PCDHA8: variants seen among roughly 807,000 people sequenced by gnomAD.
PCDHA8 encodes protocadherin alpha-8.
A neutral mutation model predicts 61.8 loss-of-function variants in PCDHA8; 53 were observed. That is an observed-to-expected ratio of 0.86 (90% CI 0.69 to 1.08). PCDHA8 has a LOEUF of 1.08. PCDHA8 is among the 50% of genes least tolerant of loss of function. The probability of loss-of-function intolerance (pLI) is 0.00; values close to 1 mark genes in which losing one functional copy is unlikely to be tolerated. For synonymous variants in PCDHA8, 618 were observed against 556.6 expected, an observed-to-expected ratio of 1.11 and a Z score of -1.55; for missense variants, 1,293 against 1,245.0, an observed-to-expected ratio of 1.04 and a Z score of -0.58.
rs532609088 is a variant in PCDHA8, at chr5:140,890,699, T to A, written c.2394+46984T>A. 2.6e-5 allele frequency among the ~76,000 whole-genome samples: 4 copies of A among 152,312 alleles called. No homozygotes were observed. In the East Asian group the frequency reaches 7.7e-4, roughly 29 times the overall value. On this transcript the variant is annotated intron_variant, in intron 1 of 3. Transcript: ENST00000531613. ...CTCCTTCTGGGAAATGCAGGGACCT[T>A]ACATTTTTAAAATCTTTTTAATCCC... is the stretch of plus-strand genomic sequence containing the variant.
chr5:140,923,963 A>G (rs1172303229), intron 1 of PCDHA8, among the ~76,000 whole-genome samples: 1 of 152,188 alleles, frequency 6.6e-6, no homozygotes, highest in African/African-American at 2.4e-5. Context: ...CCTAATCTAT[A>G]CCCACACATA....
At chr5:140,968,097 G>A in intron 1 of PCDHA8, 1 of 1,614,112 alleles carries the variant, frequency 6.2e-7, no homozygotes, top group Non-Finnish European at 8.5e-7. Flanking sequence ...GCCACAGATG[G>A]GGGAATACCG....
chr5:140,983,076 T>A (rs1390525890), intron 3 of PCDHA8, among the ~76,000 whole-genome samples: 1 of 152,168 alleles, frequency 6.6e-6, no homozygotes, highest in Non-Finnish European at 1.5e-5. Context: ...TTGTTTTGAG[T>A]TCAAGTCAAA....
At chr5:140,894,068 A>G (rs2064306594) in intron 1 of PCDHA8, among the ~76,000 whole-genome samples, 1 of 152,160 alleles carries the variant, frequency 6.6e-6, no homozygotes, top group Non-Finnish European at 1.5e-5. Context: ...TTTTAAATAC[A>G]TTTATTTTAT....
Position 140,843,002 on chromosome 5 carries a change from A to G in PCDHA8, c.1681A>G (p.Asn561Asp). 2 of 1,595,004 alleles carry G rather than the reference A, an allele frequency of 1.3e-6. No individual in the cohort carries two copies. The highest frequency in any genetic ancestry group is 1.7e-6 in the Non-Finnish European group (2 of 1,165,434). The change falls in exon 1 of 4, where the codon AAC becomes GAC. Residue 561 changes from asparagine to aspartate, a missense_variant. Asn to Asp is a conservative substitution (Grantham distance 23, BLOSUM62 1). Coordinates refer to ENST00000531613, the MANE Select transcript of PCDHA8 (RefSeq NM_018911.3). ...GGTGTTCGTGCTGGACGAGAATGAC[A>G]ACGCGCCGGCACTGCTGGAGCCTCG... ...LQVFVLDENDNAPALLEPRVG... is the reference protein window; with the variant it reads ...LQVFVLDENDDAPALLEPRVG...
rs1039422866 is a variant in PCDHA8 at position 140,928,669 on chromosome 5, A to G, written c.2395-50280A>G. 6 of 1,614,042 alleles carry G rather than the reference A, an allele frequency of 3.7e-6. No homozygotes were observed. The African/African-American group carries it at 6.7e-5, about 18-fold the overall frequency. On this transcript the variant is annotated intron_variant, in intron 1 of 3. Transcript: ENST00000531613. ...AGCAGAGGATGCTGACAGTGGTTCT[A>G]ATGCCTGGCTTTCCTACCACATCTC...
chr5:140,957,702 A>C (rs930331275), intron 1 of PCDHA8, among the ~76,000 whole-genome samples: 4 of 152,158 alleles, frequency 2.6e-5, no homozygotes, highest in Non-Finnish European at 5.9e-5. Context: ...AACATTATGT[A>C]GTTTTTATTA....
intron 1 of PCDHA8, chr5:140,929,284 A>G: frequency 6.2e-7 from 1 of 1,600,764 alleles, no homozygotes; most frequent in Non-Finnish European, 8.5e-7. Flanking sequence ...CTGTATTCAG[A>G]TTCGGAATAG....
At chr5:140,970,332 G>A (rs1236073527) in intron 1 of PCDHA8, among the ~76,000 whole-genome samples, 12 of 152,138 alleles carry the variant, frequency 7.9e-5, no homozygotes, top group Admixed American at 2.6e-4. Flanking sequence ...TCCAAAGCAT[G>A]CATTCATTTT....
chr5:140,955,171 C>G (rs887184603), intron 1 of PCDHA8, among the ~76,000 whole-genome samples: 2 of 152,158 alleles, frequency 1.3e-5, no homozygotes, highest in African/African-American at 2.4e-5. Context: ...GTTTTGGTTA[C>G]TGTAGTTTTG....
At chr5:140,951,723 A>C (rs1364455679) in intron 1 of PCDHA8, among the ~76,000 whole-genome samples, 1 of 152,104 alleles carries the variant, frequency 6.6e-6, no homozygotes, top group African/African-American at 2.4e-5. Context: ...GATCCAAACC[A>C]TGTCATTCTG....
intron 1 of PCDHA8, chr5:140,882,358 G>T (rs1554173779): frequency 3.7e-6 from 6 of 1,614,232 alleles, no homozygotes; most frequent in Middle Eastern, 1.7e-4. Flanking sequence ...GTAGTGGCCA[G>T]CTCCACTACT....
rs1320219732 is a variant in PCDHA8, at chr5:140,966,886, G to A, written c.2395-12063G>A. On this transcript the variant is annotated intron_variant, in intron 1 of 3. Coordinates refer to ENST00000531613, the MANE Select transcript of PCDHA8 (RefSeq NM_018911.3). Reference sequence around the variant, plus strand: ...TGCTGCTGCTGCTACCTGGCCCTGCGGCCTCCCAGCTGCGATACTCTGTGC... The same window carrying A: ...TGCTGCTGCTGCTACCTGGCCCTGCAGCCTCCCAGCTGCGATACTCTGTGC... The A allele has an allele frequency of 5.7e-6, 9 of 1,592,130 alleles. No individual in the cohort carries two copies. The Admixed American group carries it at 1.0e-4, about 18-fold the overall frequency.
intron 1 of PCDHA8, among the ~76,000 whole-genome samples, chr5:140,961,280 C>G (rs246003): frequency 0.56 from 85,679 of 152,048 alleles, 24,751 homozygotes; most frequent in African/African-American, 0.69. Flanking sequence ...TACCATGGCT[C>G]TGTTTCTTGA....
intron 1 of PCDHA8, among the ~76,000 whole-genome samples, chr5:140,923,179 G>T (rs982663028): frequency 3.3e-5 from 5 of 152,130 alleles, no homozygotes; most frequent in Admixed American, 1.3e-4. Flanking sequence ...TTGTTCAGAT[G>T]CATCTACTGC....
Position 140,969,340 on chromosome 5 carries a change from G to A in PCDHA8, c.2395-9609G>A, listed in dbSNP as rs1262555926. 6 of 1,613,738 alleles carry A rather than the reference G, an allele frequency of 3.7e-6. No homozygotes were observed. The African/African-American group carries it at 5.3e-5, about 14-fold the overall frequency. On this transcript the variant is annotated intron_variant, in intron 1 of 3. Coordinates refer to ENST00000531613, the MANE Select transcript of PCDHA8 (RefSeq NM_018911.3). The stretch of plus-strand genomic sequence containing the variant: ...CTGTTTCTCAAAATGAGGTGAGACA[G>A]TGGTCAGGGGGTCTTCTACAAACTC...
chr5:140,882,466 G>A (rs782656797), intron 1 of PCDHA8: 1 of 1,614,028 alleles, frequency 6.2e-7, no homozygotes, highest in South Asian at 1.1e-5. Flanking sequence ...TGTTCCGGGT[G>A]GCGTCCAAAA....
At chr5:140,851,252 GTATTT>G (rs1434639310) in intron 1 of PCDHA8, 2 of 1,089,048 alleles carry the variant, frequency 1.8e-6, no homozygotes, top group Non-Finnish European at 2.3e-6. Context: ...ATGATGCATA[GTATTT>G]TAGTCTACTT....
At position 140,851,996 on chromosome 5, in the gene PCDHA8, G is replaced by A. The variant is rs782761862; in HGVS notation, c.2394+8281G>A. ...TACCTTTAGTGCAAGCTATTTGTTT[G>A]TTTTCTAATTTATAGTTTTAAAAAC... On this transcript the variant is annotated intron_variant, in intron 1 of 3. Transcript: ENST00000531613. The A allele has an allele frequency of 4.9e-4, 481 of 975,902 alleles. 33 individuals carry two copies. Among genetic ancestry groups the A allele is most frequent in the Admixed American group, 1.4e-3 (23 of 15,868 alleles). The allele number at this position is 975,902 out of a possible 1,614,324, so 60.5% of individuals were successfully genotyped here.
Sources: gnomAD v4.1 joint callset for allele counts (sites outside exome capture counted in the v4.1 genomes callset) on GRCh38, gnomAD v4.1.1 for gene constraint, MANE v1.5 for transcripts, NCBI Gene and HGNC (gene_info 2026-07-23, HGNC 2026-07-21) for gene names.